The following ZFP14 variants were observed in gnomAD, a reference collection of about 807,000 sequenced individuals.
ZFP14 encodes zinc finger protein 14 homolog.
ZFP14 carries 22 observed loss-of-function variants against 54.5 expected under a neutral mutation model. That is an observed-to-expected ratio of 0.40 (90% CI 0.29 to 0.58). The LOEUF is 0.58. Among genes scored for constraint, ZFP14 ranks in the 20% least tolerant of loss-of-function variants. The probability of loss-of-function intolerance (pLI) is 0.39; values close to 1 mark genes in which losing one functional copy is unlikely to be tolerated. For missense variants in ZFP14, 470 were observed against 637.8 expected (o/e 0.74, Z 2.83); for synonymous variants, 159 against 204.0 (o/e 0.78, Z 1.88).
intron 4 of ZFP14, among the ~76,000 whole-genome samples, chr19:36,352,174 ACT>A (rs199557360): frequency 0.022 from 3,013 of 138,492 alleles, 414 homozygotes; most frequent in African/African-American, 0.08. Flanking sequence ...ACGGAGCCAG[ACT>A]CTGTCTCAAA....
chr19:36,373,696 C>T (rs1386970698), intron 1 of ZFP14, among the ~76,000 whole-genome samples: 2 of 151,730 alleles, frequency 1.3e-5, no homozygotes, highest in Non-Finnish European at 2.9e-5. Context: ...TACTAAAGCT[C>T]GGTATTAAGA....
chr19:36,371,033 C>T (rs1419824396), intron 1 of ZFP14, among the ~76,000 whole-genome samples: 2 of 152,052 alleles, frequency 1.3e-5, no homozygotes, highest in African/African-American at 4.8e-5. Context: ...GAGGCCGAGG[C>T]AGGCGGATCA....
chr19:36,359,955 T>A (rs751961216), intron 4 of ZFP14, among the ~76,000 whole-genome samples: 123 of 152,238 alleles, frequency 8.1e-4, no homozygotes, highest in Non-Finnish European at 1.3e-3. Context: ...ACGCCCAGCC[T>A]CTTATTATTC....
At position 36,337,578 on chromosome 19, in the gene ZFP14, G is replaced by C. The variant is rs1467879656; in HGVS notation, c.*2646C>G. ...ATACATACTATGCCATTTTATACAA[G>C]GGACTTGAGCATCCTCAGATTTTAC... On this transcript the variant is annotated 3_prime_UTR_variant, in exon 5 of 5. Transcript: ENST00000270001. 6.6e-6 allele frequency: 1 copy of C among 152,050 alleles called. No individual in the cohort carries two copies. The highest frequency in any genetic ancestry group is 1.5e-5 in the Non-Finnish European group (1 of 68,002). 9.4% of individuals were successfully genotyped at this position (152,050 alleles called of 1,614,324 possible).
chr19:36,340,862 C>G lies in ZFP14; in HGVS notation c.964G>C (p.Val322Leu), dbSNP rs201566504. Residue 322 changes from valine (V) to leucine (L), a missense_variant, in exon 5 of 5, where the codon GTA (valine) becomes CTA (leucine). Val to Leu is a conservative substitution (Grantham distance 32). Transcript: ENST00000270001. This position sits in a 1 kb window ranked among gnomAD's most constrained non-coding sequence, Gnocchi z 5.4. ...YECKECGKAF[V>L]CGPDLRVHQK... ...TGTACTCTAAGGTCTGGACCACATA[C>G]GAAGGCTTTCCCACATTCCTTACAT... 1.5e-5 allele frequency: 25 copies of G among 1,613,018 alleles called. No homozygotes were observed. The highest frequency in any genetic ancestry group is 6.7e-5 in the Admixed American group (4 of 59,896).
chr19:36,349,484 G>C (rs2031485755), intron 4 of ZFP14, among the ~76,000 whole-genome samples: 1 of 150,370 alleles, frequency 6.7e-6, no homozygotes, highest in Non-Finnish European at 1.5e-5. Context: ...GGGCAACATG[G>C]CAAAACCCCA....
At chr19:36,377,692 T>C (rs1241196928) in intron 1 of ZFP14, among the ~76,000 whole-genome samples, 1 of 152,068 alleles carries the variant, frequency 6.6e-6, no homozygotes, top group East Asian at 1.9e-4. Flanking sequence ...TGTCAATACC[T>C]ACTGGAGGCC....
intron 1 of ZFP14, among the ~76,000 whole-genome samples, chr19:36,374,113 T>A (rs2031922575): frequency 6.6e-6 from 1 of 152,162 alleles, no homozygotes; most frequent in African/African-American, 2.4e-5. Flanking sequence ...TTTAGAGCTA[T>A]GTGAAGCAGC....
rs1568467156 is a variant in ZFP14, at chr19:36,349,249, AAAAAAAAC to A, written c.236-7667_236-7660del. Among the ~76,000 whole-genome samples, 99 of 67,034 alleles carry A rather than the reference AAAAAAAAC, an allele frequency of 1.5e-3. 21 individuals are homozygous for A. The highest frequency in any genetic ancestry group is 6.9e-3 in the African/African-American group (92 of 13,278). The allele number at this position is 67,034 out of a possible 152,430, so 44.0% of individuals were successfully genotyped here. A position where few individuals can be genotyped will look rare whatever the true frequency, so the allele number is the denominator to read the frequency against. ...TCTGTCTCAAAAAAAAAAACAAAAA[AAAAAAAAC>A]AAAAAAAAAAAAACAGGAAGAACAT... On this transcript the variant is annotated intron_variant, in intron 4 of 4. Coordinates refer to ENST00000270001, the MANE Select transcript of ZFP14 (RefSeq NM_020917.3).
intron 1 of ZFP14, among the ~76,000 whole-genome samples, chr19:36,375,607 G>C (rs1454450358): frequency 6.8e-6 from 1 of 147,206 alleles, no homozygotes; most frequent in Non-Finnish European, 1.5e-5. Context: ...GCCCAGGCTG[G>C]AGTGCAGTGG....
At chr19:36,350,999 T>C (rs927188454) in intron 4 of ZFP14, among the ~76,000 whole-genome samples, 5 of 143,708 alleles carry the variant, frequency 3.5e-5, no homozygotes, top group Non-Finnish European at 7.7e-5. Flanking sequence ...AAACCTAAGA[T>C]AATTTATTGC....
intron 4 of ZFP14, among the ~76,000 whole-genome samples, chr19:36,342,968 G>A (rs184628603): frequency 9.9e-4 from 150 of 152,260 alleles, no homozygotes; most frequent in African/African-American, 3.4e-3. Context: ...TGTGTACCAT[G>A]GGACAGATTG....
chr19:36,368,563 C>T (rs1047584817), intron 1 of ZFP14, among the ~76,000 whole-genome samples: 3 of 152,212 alleles, frequency 2.0e-5, no homozygotes, highest in African/African-American at 7.2e-5. Flanking sequence ...CGCCCTCTAG[C>T]AATGTGGATC....
intron 4 of ZFP14, among the ~76,000 whole-genome samples, chr19:36,350,203 G>A (rs1245778356): frequency 7.1e-6 from 1 of 141,522 alleles, no homozygotes; most frequent in Non-Finnish European, 1.6e-5. Flanking sequence ...TAACATATGT[G>A]TAACTCACAC....
At chr19:36,373,920 A>G (rs1244286967) in intron 1 of ZFP14, among the ~76,000 whole-genome samples, 12 of 150,750 alleles carry the variant, frequency 8.0e-5, no homozygotes, top group Admixed American at 7.9e-4. Context: ...TCAAAAAAAA[A>G]AAAAAAGAAA....
intron 1 of ZFP14, among the ~76,000 whole-genome samples, chr19:36,371,744 C>T (rs1358728309): frequency 6.6e-6 from 1 of 151,988 alleles, no homozygotes; most frequent in African/African-American, 2.4e-5. Context: ...TTACTTGAGT[C>T]CAGGAGTTTG....
Position 36,334,783 on chromosome 19 carries a change from TA to T in ZFP14, c.*5440del. On this transcript the variant is annotated 3_prime_UTR_variant, in exon 5 of 5. Transcript: ENST00000270001. The stretch of plus-strand genomic sequence containing the variant: ...GATATTCGGACTGAGAATTCCACAA[TA>T]AATTTGAGATACACTCAGTTAAATA... The T allele has an allele frequency of 6.6e-6, 1 of 152,358 alleles. No homozygotes were observed. Among genetic ancestry groups the T allele is most frequent in the Non-Finnish European group, 1.5e-5 (1 of 68,030 alleles). 9.4% of individuals were successfully genotyped at this position (152,358 alleles called of 1,614,324 possible).
intron 2 of ZFP14, among the ~76,000 whole-genome samples, chr19:36,365,017 T>G (rs1470979561): frequency 3.0e-5 from 4 of 132,202 alleles, no homozygotes; most frequent in Admixed American, 7.9e-5. Flanking sequence ...TTTTTTTTTT[T>G]TTTTTTGACA....
intron 4 of ZFP14, among the ~76,000 whole-genome samples, chr19:36,352,586 C>T (rs1415933157): frequency 7.0e-6 from 1 of 142,358 alleles, no homozygotes; most frequent in Non-Finnish European, 1.6e-5. Flanking sequence ...CCCTTGAGGC[C>T]AGGAGTTTTA....
Sources: allele counts gnomAD v4.1 joint callset (sites outside exome capture counted in the v4.1 genomes callset), GRCh38; gene constraint gnomAD v4.1.1; non-coding constraint Gnocchi (gnomAD v3.1); transcripts MANE v1.5; gene names NCBI Gene and HGNC (gene_info 2026-07-23, HGNC 2026-07-21).